The following MRTFB variants were observed in gnomAD, a reference collection of about 807,000 sequenced individuals.
MRTFB encodes myocardin-related transcription factor B.
In MRTFB, 29 loss-of-function variants were observed where a neutral mutation model predicts 104.2. The observed-to-expected ratio is 0.28, with a 90% CI of 0.21 to 0.38. The LOEUF (loss-of-function observed/expected upper bound fraction) is 0.38, where lower values mean the gene tolerates loss of function less well. Among genes scored for constraint, MRTFB ranks in the 10% least tolerant of loss-of-function variants. The pLI, the probability that MRTFB is intolerant of heterozygous loss-of-function variation, is 1.00. For synonymous variants in MRTFB, 535 were observed against 519.5 expected, an observed-to-expected ratio of 1.03 and a Z score of -0.41; for missense variants, 1,270 against 1,341.6, an observed-to-expected ratio of 0.95 and a Z score of 0.83.
the MRTFB span, among the ~76,000 whole-genome samples, chr16:14,042,406 G>A: frequency 2.0e-5 from 3 of 152,170 alleles, no homozygotes; most frequent in Non-Finnish European, 2.9e-5. Context: ...CTACAGGTGT[G>A]CGCCACCGCA....
chr16:14,022,280 T>C, the MRTFB span, among the ~76,000 whole-genome samples: 1 of 152,192 alleles, frequency 6.6e-6, no homozygotes, highest in Non-Finnish European at 1.5e-5. Flanking sequence ...CTTACTGTAA[T>C]TGTGAGCAAA....
At position 14,084,944 on chromosome 16, in the gene MRTFB, C is replaced by T. The variant is rs116887830; in HGVS notation, c.-64+5590C>T. On this transcript the variant is annotated intron_variant, in intron 2 of 16. Coordinates refer to ENST00000571589, the MANE Select transcript of MRTFB (RefSeq NM_001308142.2). The stretch of plus-strand genomic sequence containing the variant: ...TCAAACAAGAAAATCAGAGAGCCAG[C>T]GTAGGCAATATAGTGAGACCCTGTC... Among the ~76,000 whole-genome samples, 19 of 151,936 alleles carry T rather than the reference C, an allele frequency of 1.3e-4. No individual in the cohort carries two copies. In the East Asian group the frequency reaches 3.3e-3, roughly 26 times the overall value.
At chr16:14,108,994 C>G (rs542315221) in intron 2 of MRTFB, among the ~76,000 whole-genome samples, 21 of 152,224 alleles carry the variant, frequency 1.4e-4, no homozygotes, top group Non-Finnish European at 2.5e-4. Flanking sequence ...GTACCCATTT[C>G]TATTTTATTT....
chr16:14,154,390 A>G (rs1038164326), intron 3 of MRTFB, among the ~76,000 whole-genome samples: 1 of 152,230 alleles, frequency 6.6e-6, no homozygotes, highest in Admixed American at 6.5e-5. Flanking sequence ...GTAGAAATTA[A>G]AAAAGAAATT....
intron 3 of MRTFB, chr16:14,200,511 T>C (rs769935483): frequency 6.2e-7 from 1 of 1,610,448 alleles, no homozygotes; most frequent in Admixed American, 1.7e-5. Flanking sequence ...ATCGTCTGTC[T>C]TCTCTGTGAA....
rs776636004 is a variant in MRTFB, at chr16:14,118,740, CATATATAT to C, written c.-63-21802_-63-21795del. ...AAGTATTTACATATATATATACACA[CATATATAT>C]ACACACACACATATATATATAAACT... On this transcript the variant is annotated intron_variant, in intron 2 of 16. Transcript: ENST00000571589. Among the ~76,000 whole-genome samples, 42 of 151,498 alleles carry C rather than the reference CATATATAT, an allele frequency of 2.8e-4. 1 individual carries two copies. The highest frequency in any genetic ancestry group is 1.0e-3 in the African/African-American group (42 of 41,318).
the MRTFB span, among the ~76,000 whole-genome samples, chr16:14,051,852 ATTC>A: frequency 9.2e-5 from 14 of 152,168 alleles, no homozygotes; most frequent in African/African-American, 3.1e-4. Flanking sequence ...CCTCCCAAAT[ATTC>A]TTCTCCACCT....
chr16:14,190,957 CAGT>C (rs2040154727), intron 3 of MRTFB, among the ~76,000 whole-genome samples: 1 of 152,148 alleles, frequency 6.6e-6, no homozygotes, highest in African/African-American at 2.4e-5. Context: ...GCCAGCAATG[CAGT>C]AAATTAACAT....
chr16:14,137,589 A>G (rs2037786285), intron 2 of MRTFB, among the ~76,000 whole-genome samples: 1 of 152,154 alleles, frequency 6.6e-6, no homozygotes, highest in East Asian at 1.9e-4. Context: ...TTTGAAATGA[A>G]AATTCAGAGT....
intron 6 of MRTFB, among the ~76,000 whole-genome samples, chr16:14,216,535 A>G (rs1421360840): frequency 1.3e-5 from 2 of 152,188 alleles, no homozygotes; most frequent in African/African-American, 4.8e-5. Context: ...GTATACAACC[A>G]TTAATTACTG....
At chr16:14,029,616 C>A in the MRTFB span, among the ~76,000 whole-genome samples, 1 of 151,714 alleles carries the variant, frequency 6.6e-6, no homozygotes, top group African/African-American at 2.4e-5. Flanking sequence ...TCACTAATGG[C>A]AGGGATATTG....
chr16:14,260,045 C>G (rs996972878), intron 16 of MRTFB, among the ~76,000 whole-genome samples: 1 of 152,182 alleles, frequency 6.6e-6, no homozygotes, highest in Non-Finnish European at 1.5e-5. Flanking sequence ...TAAGATACTT[C>G]ATTCATTTAT....
At chr16:14,035,750 G>A in the MRTFB span, among the ~76,000 whole-genome samples, 2 of 151,996 alleles carry the variant, frequency 1.3e-5, no homozygotes, top group East Asian at 1.9e-4. Context: ...CCATTTTGGG[G>A]GAACAGGCAG....
At chr16:14,108,944 C>G (rs982742271) in intron 2 of MRTFB, among the ~76,000 whole-genome samples, 2 of 152,176 alleles carry the variant, frequency 1.3e-5, no homozygotes, top group African/African-American at 4.8e-5. Flanking sequence ...GTGCACCCCT[C>G]TGTAGTAATT....
chr16:14,002,039 T>A, the MRTFB span, among the ~76,000 whole-genome samples: 3 of 152,324 alleles, frequency 2.0e-5, no homozygotes, highest in Admixed American at 2.0e-4. Context: ...AGATAGCTGG[T>A]TGCTCTCGCT....
At chr16:14,133,590 C>T (rs940235100) in intron 2 of MRTFB, among the ~76,000 whole-genome samples, 7 of 152,078 alleles carry the variant, frequency 4.6e-5, no homozygotes, top group Admixed American at 2.0e-4. Flanking sequence ...CCCTTTCTTT[C>T]GTTCATCTCT....
the MRTFB span, among the ~76,000 whole-genome samples, chr16:13,997,526 G>A: frequency 2.0e-5 from 3 of 152,058 alleles, no homozygotes; most frequent in Admixed American, 6.5e-5. Context: ...TAGGCGTGGC[G>A]GCTCATGCCT....
chr16:14,109,768 T>G (rs1341902266), intron 2 of MRTFB, among the ~76,000 whole-genome samples: 1 of 152,226 alleles, frequency 6.6e-6, no homozygotes, highest in East Asian at 1.9e-4. Flanking sequence ...AAACTCCTGT[T>G]TTATTCATGA....
intron 3 of MRTFB, among the ~76,000 whole-genome samples, chr16:14,195,010 G>A (rs550476619): frequency 6.6e-6 from 1 of 152,112 alleles, no homozygotes. Context: ...ATGCACACAG[G>A]CTGGCAATTT....
Sources: allele counts gnomAD v4.1 joint callset (sites outside exome capture counted in the v4.1 genomes callset), GRCh38; gene constraint gnomAD v4.1.1; transcripts MANE v1.5; gene names NCBI Gene and HGNC (gene_info 2026-07-23, HGNC 2026-07-21).